The following CLEC18A variants were observed in gnomAD, a reference collection of about 807,000 sequenced individuals.
CLEC18A encodes C-type lectin domain family 18 member A.
A neutral mutation model predicts 24.0 loss-of-function variants in CLEC18A; 5 were observed. The ratio of observed to expected loss-of-function variants is 0.21; its 90% CI spans 0.11 to 0.44. CLEC18A has a LOEUF of 0.44. Ranked by LOEUF, CLEC18A falls within the 20% of genes least tolerant of loss-of-function variation. The pLI, the probability that CLEC18A is intolerant of heterozygous loss-of-function variation, is 0.99. For missense variants in CLEC18A, 83 were observed against 233.4 expected (o/e 0.36, Z 4.20); for synonymous variants, 29 against 100.1 (o/e 0.29, Z 4.24).
intron 11 of CLEC18A, among the ~76,000 whole-genome samples, 155 bp from the exon 12 acceptor site, chr16:69,963,419 T>C (rs2152021262): frequency 6.6e-6 from 1 of 152,000 alleles, no homozygotes; most frequent in South Asian, 2.1e-4. Flanking sequence ...AGGTGAAACC[T>C]AGCATGGCAC....
chr16:69,952,337 G>A (rs1430439283), intron 2 of CLEC18A: 4 of 274,768 alleles, frequency 1.5e-5, no homozygotes, highest in Non-Finnish European at 2.5e-5. Flanking sequence ...TCAGGAGGTC[G>A]GGCCCCTTGG....
downstream of CLEC18A, among the ~76,000 whole-genome samples, chr16:69,965,267 G>T (rs1430874248): frequency 2.6e-5 from 4 of 151,936 alleles, no homozygotes; most frequent in East Asian, 7.7e-4. Context: ...CCCTGCCCGG[G>T]CACTGGCGCA....
At chr16:69,965,032 G>T (rs1163866431), downstream of CLEC18A, among the ~76,000 whole-genome samples, 1 of 151,756 alleles carries the variant, frequency 6.6e-6, no homozygotes, top group African/African-American at 2.4e-5. Flanking sequence ...GAACTCCCGT[G>T]CTCAAGCGAT....
intron 2 of CLEC18A, chr16:69,952,428 C>T (rs1213815582): frequency 2.5e-5 from 7 of 279,918 alleles, no homozygotes; most frequent in Middle Eastern, 2.1e-3. Flanking sequence ...CAGGAGGAGC[C>T]GGATCCCCTC....
chr16:69,963,502 A>C (rs1405827646), intron 11 of CLEC18A, 72 bp from the exon 12 acceptor site: 1 of 1,609,124 alleles, frequency 6.2e-7, no homozygotes, highest in Non-Finnish European at 8.5e-7. Flanking sequence ...TTCCAGACCG[A>C]GTGCAGCAGG....
At chr16:69,953,957 G>C (rs2058996201) in intron 2 of CLEC18A, 1 of 350,036 alleles carries the variant, frequency 2.9e-6, no homozygotes, top group Non-Finnish European at 5.5e-6. Context: ...AGGGCAGCAT[G>C]GCCGGGTGGG....
At chr16:69,945,835 G>A (rs2058909331), upstream of CLEC18A, among the ~76,000 whole-genome samples, 1 of 152,100 alleles carries the variant, frequency 6.6e-6, no homozygotes. Context: ...GCTCATGCCT[G>A]TAATTTCAGC....
downstream of CLEC18A, among the ~76,000 whole-genome samples, chr16:69,966,240 A>G (rs1959389760): frequency 6.7e-6 from 1 of 150,370 alleles, no homozygotes; most frequent in Non-Finnish European, 1.5e-5. Flanking sequence ...TGGACATTGG[A>G]TCTGCTTCTT....
the CLEC18A span, among the ~76,000 whole-genome samples, chr16:69,945,396 T>A: frequency 3.9e-4 from 59 of 152,364 alleles, no homozygotes; most frequent in East Asian, 0.01. Context: ...TTACTAGAAG[T>A]TTCATAGCAA....
In CLEC18A at chr16:69,954,550, G is replaced by A. The variant is rs766149107; in HGVS notation, c.433G>A (p.Ala145Thr). 20 of 1,611,500 alleles carry A rather than the reference G, an allele frequency of 1.2e-5. No individual in the cohort carries two copies. Among genetic ancestry groups the A allele is most frequent in the South Asian group, 2.2e-5 (2 of 90,806 alleles). The change falls in exon 3 of 12, where the codon GCC becomes ACC. Residue 145 changes from alanine to threonine, a missense_variant. Coordinates refer to ENST00000288040, the MANE Select transcript of CLEC18A (RefSeq NM_001370523.4). Reference protein sequence around the residue: ...SHAAGECARNATCTHYTQLVW... With the variant: ...SHAAGECARNTTCTHYTQLVW... ...CGCGGCAGGAGAGTGTGCTCGCAAC[G>A]CCACCTGCACCCACTACACGCAGGT... is the stretch of plus-strand genomic sequence containing the variant.
chr16:69,965,328 C>T (rs1231763145), downstream of CLEC18A, among the ~76,000 whole-genome samples: 1 of 151,998 alleles, frequency 6.6e-6, no homozygotes, highest in African/African-American at 2.4e-5. Flanking sequence ...ACGGGAGGGC[C>T]CGCTCTCCGG....
chr16:69,944,277 C>T, the CLEC18A span, among the ~76,000 whole-genome samples: 4 of 149,508 alleles, frequency 2.7e-5, no homozygotes, highest in African/African-American at 7.3e-5. Context: ...GCCTGGGCAA[C>T]AGATCCCTTG....
chr16:69,964,771 G>A (rs1194000614), downstream of CLEC18A, among the ~76,000 whole-genome samples: 1 of 151,616 alleles, frequency 6.6e-6, no homozygotes, highest in African/African-American at 2.4e-5. Context: ...CCAAAGTGCT[G>A]GGATGACAGG....
rs1431570902 is a variant in CLEC18A, at chr16:69,954,335, A to T, written c.218A>T (p.Asp73Val). Residue 73 changes from aspartate (D) to valine (V), a missense_variant and splice_region_variant, in exon 3 of 12, where the codon GAC (aspartate) becomes GTC (valine). Asp to Val is a radical substitution (Grantham distance 152, BLOSUM62 -3). Around this residue, in one of 3 missense-constraint regions of CLEC18A, gnomAD observed 71 missense variants for 107.4 expected, o/e 0.66. Coordinates refer to ENST00000288040, the MANE Select transcript of CLEC18A (RefSeq NM_001370523.4). Reference sequence around the variant, plus strand: ...GATGTCTGTTTGTGCTGCCCCCAGGACTGGAGTGACAGCCTGGCCCAGCTG... The same window carrying T: ...GATGTCTGTTTGTGCTGCCCCCAGGTCTGGAGTGACAGCCTGGCCCAGCTG... Reference protein sequence around the residue: ...QPPAADMRRLDWSDSLAQLAQ... With the variant: ...QPPAADMRRLVWSDSLAQLAQ... 1 of 1,579,670 alleles carries T rather than the reference A, an allele frequency of 6.3e-7. No individual in the cohort carries two copies. The highest frequency in any genetic ancestry group is 1.1e-5 in the South Asian group (1 of 90,188).
chr16:69,962,144 GC>G, intron 10 of CLEC18A, 60 bp downstream of exon 10: 2 of 1,462 alleles, frequency 1.4e-3, no homozygotes, highest in Non-Finnish European at 2.1e-3. Flanking sequence ...GCCTGGTGGA[GC>G]CCCCCATCCC....
At chr16:69,956,134 C>T (rs1476471721) in intron 3 of CLEC18A, among the ~76,000 whole-genome samples, 1 of 149,096 alleles carries the variant, frequency 6.7e-6, no homozygotes, top group African/African-American at 2.5e-5. Context: ...GTAGTTCCAG[C>T]TACTTGGGAG....
At chr16:69,948,214 A>G (rs1425967457), upstream of CLEC18A, among the ~76,000 whole-genome samples, 1 of 87,296 alleles carries the variant, frequency 1.1e-5, no homozygotes, top group Non-Finnish European at 2.3e-5. Flanking sequence ...ACGGGGTTTC[A>G]CCATGCTGCC....
chr16:69,955,512 C>A (rs1379526094), intron 3 of CLEC18A, among the ~76,000 whole-genome samples: 4 of 151,118 alleles, frequency 2.6e-5, no homozygotes, highest in African/African-American at 9.8e-5. Flanking sequence ...CACCACACCC[C>A]ACTAATTTTT....
chr16:69,956,993 C>G (rs1297324173), intron 3 of CLEC18A, among the ~76,000 whole-genome samples: 3 of 150,590 alleles, frequency 2.0e-5, no homozygotes, highest in African/African-American at 7.3e-5. Flanking sequence ...CTTGAGCCAC[C>G]ACGCCCAGCC....
Sources: gnomAD v4.1 joint callset for allele counts (sites outside exome capture counted in the v4.1 genomes callset) on GRCh38, gnomAD v4.1.1 for gene constraint, gnomAD v4.1.1 regional missense constraint, MANE v1.5 for transcripts, NCBI Gene and HGNC (gene_info 2026-07-23, HGNC 2026-07-21) for gene names.